SYNJ2: variants seen among roughly 807,000 people sequenced by gnomAD.
SYNJ2 encodes the protein polyphosphatidylinositol phosphatase SYNJ2.
In SYNJ2, 116 loss-of-function variants were observed where a neutral mutation model predicts 141.3. The ratio of observed to expected loss-of-function variants is 0.82; its 90% CI spans 0.71 to 0.96. The LOEUF (loss-of-function observed/expected upper bound fraction) is 0.96. Among genes scored for constraint, SYNJ2 ranks in the 40% least tolerant of loss-of-function variants. The pLI, the probability that SYNJ2 is intolerant of heterozygous loss-of-function variation, is 0.00. For missense variants in SYNJ2, 1,873 were observed against 1,934.8 expected (o/e 0.97, Z 0.60); for synonymous variants, 745 against 777.7 (o/e 0.96, Z 0.70).
At chr6:158,004,043 C>G (rs1777958803) in intron 1 of SYNJ2, among the ~76,000 whole-genome samples, 1 of 152,174 alleles carries the variant, frequency 6.6e-6, no homozygotes, top group East Asian at 1.9e-4. Context: ...GTAGCATAGA[C>G]AACTTTCTCA....
rs1257081505 is a variant in SYNJ2, at chr6:158,074,602, A to T, written c.2156A>T (p.Asp719Val). 1 of 1,611,570 alleles carries T rather than the reference A, an allele frequency of 6.2e-7. No homozygotes were observed. The highest frequency in any genetic ancestry group is 1.7e-5 in the Admixed American group (1 of 59,532). The change falls in exon 16 of 27, where the codon GAT becomes GTT. Residue 719 changes from aspartate (D) to valine (V), a missense_variant. By Grantham distance (152) the Asp-to-Val change is radical. Coordinates refer to ENST00000355585, the MANE Select transcript of SYNJ2 (RefSeq NM_003898.4). ...TAGGGGAGAAATGTTTTTTCTCATG[A>T]TTATGTATTTTGGTGTGGCGATTTC... ...FPMGRNVFSHDYVFWCGDFNY... is the reference protein window; with the variant it reads ...FPMGRNVFSHVYVFWCGDFNY...
intron 1 of SYNJ2, among the ~76,000 whole-genome samples, chr6:157,991,690 C>T (rs2128315425): frequency 6.6e-6 from 1 of 152,298 alleles, no homozygotes; most frequent in East Asian, 1.9e-4. Context: ...ATAAACCACT[C>T]AGAAATGCAA....
chr6:157,981,843 C>A, upstream of SYNJ2: 1 of 913,766 alleles, frequency 1.1e-6, no homozygotes, highest in Non-Finnish European at 1.4e-6. The surrounding 1 kb of genome is among the most constrained non-coding windows in gnomAD (Gnocchi z 6.4). Flanking sequence ...CCTGGCGCGG[C>A]GGGAGCGGCG....
At chr6:158,055,503 ATGTGTGTGTG>A (rs61172281) in intron 6 of SYNJ2, among the ~76,000 whole-genome samples, 9 of 147,760 alleles carry the variant, frequency 6.1e-5, no homozygotes, top group Non-Finnish European at 1.2e-4. Flanking sequence ...TTGGCATTTT[ATGTGTGTGTG>A]TGTGTGTGTG....
rs1165392917 is a variant in SYNJ2 at position 158,096,372 on chromosome 6, G to A, written c.*8G>A. 6.3e-7 allele frequency: 1 copy of A among 1,589,930 alleles called. No homozygotes were observed. The highest frequency in any genetic ancestry group is 8.5e-7 in the Non-Finnish European group (1 of 1,170,844). On this transcript the variant is annotated 3_prime_UTR_variant, in exon 27 of 27. Coordinates refer to ENST00000355585, the MANE Select transcript of SYNJ2 (RefSeq NM_003898.4). ...CCACTGGCAAAAACATGACTGAGCAGCTTTGAAGGCTGCAGTCCTATAGAA... is the reference window on the plus strand; with the variant it reads ...CCACTGGCAAAAACATGACTGAGCAACTTTGAAGGCTGCAGTCCTATAGAA...
At chr6:158,011,635 G>C (rs958451218) in intron 1 of SYNJ2, among the ~76,000 whole-genome samples, 5 of 152,146 alleles carry the variant, frequency 3.3e-5, no homozygotes, top group African/African-American at 1.2e-4. Context: ...TGAAGTCCAC[G>C]CCTGTCATCT....
intron 20 of SYNJ2, 47 bp downstream of exon 20, chr6:158,081,557 T>A: frequency 7.5e-7 from 1 of 1,332,468 alleles, no homozygotes; most frequent in Non-Finnish European, 1.0e-6. Flanking sequence ...GATCAATCCC[T>A]CTTTTTATGT....
chr6:157,981,845 G>A (rs890066034), upstream of SYNJ2: 7 of 935,090 alleles, frequency 7.5e-6, no homozygotes, highest in Non-Finnish European at 9.7e-6. The surrounding 1 kb of genome is among the most constrained non-coding windows in gnomAD (Gnocchi z 6.4). Flanking sequence ...TGGCGCGGCG[G>A]GAGCGGCGGC....
intron 13 of SYNJ2, among the ~76,000 whole-genome samples, chr6:158,069,202 G>T (rs1055445588): frequency 3.9e-5 from 6 of 152,082 alleles, no homozygotes; most frequent in African/African-American, 1.4e-4. Flanking sequence ...GAAGTCAACT[G>T]GGCGCTCCCC....
At chr6:157,986,394 C>T (rs113398637) in intron 1 of SYNJ2, among the ~76,000 whole-genome samples, 10 of 152,298 alleles carry the variant, frequency 6.6e-5, no homozygotes, top group South Asian at 2.1e-4. Flanking sequence ...AGTACAATGG[C>T]GCAATCTTGG....
chr6:158,037,559 G>A (rs1025376217), intron 4 of SYNJ2, among the ~76,000 whole-genome samples: 1 of 151,668 alleles, frequency 6.6e-6, no homozygotes, highest in Non-Finnish European at 1.5e-5. Flanking sequence ...CCGCCACCAC[G>A]CCCGGCTAAT....
At chr6:158,059,111 G>A (rs1228977462) in intron 6 of SYNJ2, 146 bp from the exon 7 acceptor site, 6 of 805,950 alleles carry the variant, frequency 7.4e-6, no homozygotes, top group Admixed American at 7.2e-5. Flanking sequence ...CATTTTCCAC[G>A]ATTTGGGTCA....
chr6:158,035,007 T>A (rs1198794333), intron 4 of SYNJ2, among the ~76,000 whole-genome samples: 1 of 152,192 alleles, frequency 6.6e-6, no homozygotes, highest in East Asian at 1.9e-4. Flanking sequence ...ACGGCCTTAT[T>A]TCTGGGTTGT....
intron 3 of SYNJ2, among the ~76,000 whole-genome samples, chr6:158,029,557 T>G (rs1779255265): frequency 6.6e-6 from 1 of 151,994 alleles, no homozygotes. Flanking sequence ...AGAGCAAGAC[T>G]CTGTCTCAAA....
chr6:157,990,339 C>G (rs1777374995), intron 1 of SYNJ2, among the ~76,000 whole-genome samples: 1 of 150,250 alleles, frequency 6.7e-6, no homozygotes, highest in South Asian at 2.1e-4. Flanking sequence ...CCTTCTTCTC[C>G]TTCTCCTTGG....
At chr6:158,064,574 T>C (rs1280620107) in intron 9 of SYNJ2, 27 bp from the exon 10 acceptor site, 1 of 1,609,564 alleles carries the variant, frequency 6.2e-7, no homozygotes, top group Admixed American at 1.7e-5. Context: ...GAGAAGCCAG[T>C]GACAGCCATC....
chr6:158,034,676 G>T (rs1374605421), intron 4 of SYNJ2, among the ~76,000 whole-genome samples: 1 of 152,232 alleles, frequency 6.6e-6, no homozygotes, highest in Non-Finnish European at 1.5e-5. Flanking sequence ...TCTGCACTGT[G>T]GATATCAACG....
chr6:158,057,365 C>T (rs1449655798), intron 6 of SYNJ2, among the ~76,000 whole-genome samples: 3 of 152,224 alleles, frequency 2.0e-5, no homozygotes, highest in East Asian at 1.9e-4. Flanking sequence ...CGTCCCCTTA[C>T]CTGGGTCGGC....
At chr6:158,055,366 A>G (rs1379346371) in intron 6 of SYNJ2, among the ~76,000 whole-genome samples, 2 of 152,166 alleles carry the variant, frequency 1.3e-5, no homozygotes, top group Non-Finnish European at 2.9e-5. Flanking sequence ...TTTTTGTTTT[A>G]AAATAGTATA....
Sources: gnomAD v4.1 joint callset for allele counts (sites outside exome capture counted in the v4.1 genomes callset) on GRCh38, gnomAD v4.1.1 for gene constraint, Gnocchi (gnomAD v3.1) non-coding constraint, MANE v1.5 for transcripts, NCBI Gene and HGNC (gene_info 2026-07-23, HGNC 2026-07-21) for gene names.